The following C7 variants were observed in gnomAD, a reference collection of about 807,000 sequenced individuals.
The protein encoded by C7 is complement C7.
In C7, 83 loss-of-function variants were observed where a neutral mutation model predicts 104.8. The ratio of observed to expected loss-of-function variants is 0.79; its 90% confidence interval spans 0.66 to 0.95. The LOEUF is 0.95. C7 is among the 40% of genes least tolerant of loss of function. The pLI is 0.00. For synonymous variants in C7, 415 were observed against 360.6 expected (o/e 1.15, Z -1.71); for missense variants, 1,070 against 1,011.2 (o/e 1.06, Z -0.79).
At chr5:40,922,849 G>A (rs1433304874) in intron 1 of C7, among the ~76,000 whole-genome samples, 1 of 152,096 alleles carries the variant, frequency 6.6e-6, no homozygotes, top group Non-Finnish European at 1.5e-5. Context: ...AGACTTAAAT[G>A]TAAAATGTGA....
In C7 at chr5:40,919,764, A is replaced by G. The variant is rs536434269; in HGVS notation, c.7-8816A>G. Among the ~76,000 whole-genome samples the G allele has an allele frequency of 2.6e-5, 4 of 152,110 alleles. No individual in the cohort carries two copies. The South Asian group carries it at 8.4e-4, about 32-fold the overall frequency. ...GGGAAATTAAAAATCTTTAGATAAC[A>G]AGATAAAAATCTTGTTATCTTAAGA... is the stretch of plus-strand genomic sequence containing the variant. On this transcript the variant is annotated intron_variant, in intron 1 of 17. Transcript: ENST00000313164.
chr5:40,981,714 TA>T lies in C7; in HGVS notation c.*144del, dbSNP rs1195008981. ...CCTCCTCAACTCCCAGCCATCTGTATAAACACAATCCTTTGTTCTCCCAAAT... is the reference window on the plus strand; with the variant it reads ...CCTCCTCAACTCCCAGCCATCTGTATAACACAATCCTTTGTTCTCCCAAAT... On this transcript the variant is annotated 3_prime_UTR_variant, in exon 18 of 18. Transcript: ENST00000313164. 1 of 644,248 alleles carries T rather than the reference TA, an allele frequency of 1.6e-6. No homozygotes were observed. Among genetic ancestry groups the T allele is most frequent in the Non-Finnish European group, 2.6e-6 (1 of 384,638 alleles). 39.9% of individuals were successfully genotyped at this position (644,248 alleles called of 1,614,324 possible).
Position 40,983,979 on chromosome 5 carries a change from A to G in C7, c.*2406A>G, listed in dbSNP as rs1221636693. Among the ~76,000 whole-genome samples the G allele has an allele frequency of 1.3e-5, 2 of 152,276 alleles. No individual in the cohort carries two copies. Among genetic ancestry groups the G allele is most frequent in the African/African-American group, 2.4e-5 (1 of 41,558 alleles). ...CAAAGAGAAGGAAATTGGCTGGTGC[A>G]TTAATCATCACTAGCTTCAGGGAGC... On this transcript the variant is annotated 3_prime_UTR_variant, in exon 18 of 18. Coordinates refer to ENST00000313164, the MANE Select transcript of C7 (RefSeq NM_000587.4).
intron 12 of C7, among the ~76,000 whole-genome samples, chr5:40,960,787 C>T (rs1210422562): frequency 2.0e-5 from 3 of 152,176 alleles, no homozygotes. Flanking sequence ...GTACTGCTTT[C>T]TCTCAGATTT....
At chr5:40,945,595 A>G (rs1444046840) in intron 7 of C7, among the ~76,000 whole-genome samples, 6 of 152,086 alleles carry the variant, frequency 3.9e-5, no homozygotes, top group African/African-American at 1.4e-4. Flanking sequence ...ACAGTGGTTC[A>G]CGCCTATAAT....
At chr5:40,921,338 C>T (rs769111873) in intron 1 of C7, among the ~76,000 whole-genome samples, 10 of 152,026 alleles carry the variant, frequency 6.6e-5, no homozygotes, top group Non-Finnish European at 1.3e-4. Flanking sequence ...ATATCCCATG[C>T]TCATGGATTG....
intron 17 of C7, chr5:40,980,418 A>G (rs1383581517): frequency 1.3e-5 from 2 of 152,372 alleles, no homozygotes; most frequent in Non-Finnish European, 2.9e-5. Flanking sequence ...GAGGGGTGTT[A>G]AAAACATACT....
intron 7 of C7, among the ~76,000 whole-genome samples, chr5:40,946,496 G>T (rs1012507345): frequency 2.7e-4 from 41 of 152,240 alleles, no homozygotes; most frequent in Admixed American, 1.0e-3. Flanking sequence ...ACATTATATT[G>T]TTCACAAAGT....
Position 40,979,774 on chromosome 5 carries a change from C to G in C7, c.2215C>G (p.Pro739Ala), listed in dbSNP as rs557359883. 15 of 1,613,476 alleles carry G rather than the reference C, an allele frequency of 9.3e-6. No homozygotes were observed. The South Asian group carries it at 1.5e-4, about 17-fold the overall frequency. Residue 739 changes from proline (P) to alanine (A), a missense_variant, in exon 17 of 18, where the codon CCT (proline) becomes GCT (alanine). By Grantham distance (27) the Pro-to-Ala change is conservative. Coordinates refer to ENST00000313164, the MANE Select transcript of C7 (RefSeq NM_000587.4). The stretch of plus-strand genomic sequence containing the variant: ...AGATGAGAGAAGCAAAAGGATACTG[C>G]CTCTGACAGTTTGCAAGATGCATGT... ...AQDERSKRIL[P>A]LTVCKMHVLH...
chr5:40,976,532 T>G (rs2111722239), intron 15 of C7: 1 of 345,380 alleles, frequency 2.9e-6, no homozygotes, highest in South Asian at 9.3e-5. Flanking sequence ...CACGAGATGG[T>G]AGCTATTACT....
At chr5:40,943,084 G>A (rs1041276724) in intron 6 of C7, among the ~76,000 whole-genome samples, 3 of 152,168 alleles carry the variant, frequency 2.0e-5, no homozygotes, top group South Asian at 4.1e-4. Flanking sequence ...GCCCTGGCTG[G>A]GTTTTTGCCA....
chr5:40,971,911 A>G, intron 14 of C7: 1 of 370,608 alleles, frequency 2.7e-6, no homozygotes, highest in South Asian at 2.2e-5. Context: ...TAGACCTATG[A>G]ATAATCACTG....
intron 1 of C7, among the ~76,000 whole-genome samples, chr5:40,917,757 A>G (rs1050721209): frequency 2.0e-5 from 3 of 152,186 alleles, no homozygotes; most frequent in Non-Finnish European, 4.4e-5. Flanking sequence ...AGCCTTCTCC[A>G]TGGTTCTTTC....
At chr5:40,930,364 C>T (rs1012143546) in intron 2 of C7, among the ~76,000 whole-genome samples, 4 of 151,762 alleles carry the variant, frequency 2.6e-5, no homozygotes, top group Non-Finnish European at 5.9e-5. Flanking sequence ...CACCACCACG[C>T]CTGGCTAATT....
chr5:40,933,774 C>T (rs1254262245), intron 3 of C7, among the ~76,000 whole-genome samples: 2 of 152,290 alleles, frequency 1.3e-5, no homozygotes, highest in East Asian at 1.9e-4. Flanking sequence ...TTCATCTTAA[C>T]CCCTTTCCCA....
chr5:40,960,614 T>C (rs1159917791), intron 12 of C7, among the ~76,000 whole-genome samples: 3 of 152,104 alleles, frequency 2.0e-5, no homozygotes, highest in Admixed American at 6.5e-5. Flanking sequence ...AGGTACATCC[T>C]AAGAAAGTCA....
intron 4 of C7, among the ~76,000 whole-genome samples, chr5:40,935,082 T>C (rs867099108): frequency 1.1e-4 from 16 of 152,220 alleles, no homozygotes; most frequent in African/African-American, 3.6e-4. Flanking sequence ...GGCAGAATAG[T>C]ACATAAATAA....
chr5:40,921,266 T>G (rs981697967), intron 1 of C7, among the ~76,000 whole-genome samples: 3 of 151,948 alleles, frequency 2.0e-5, no homozygotes, highest in African/African-American at 7.2e-5. Flanking sequence ...AAGTTAAAGA[T>G]TCTACAAAAA....
chr5:40,981,768 T>C lies in C7; in HGVS notation c.*195T>C. ...GAATCGAATTACTCTTTTGCCTCCT[T>C]TTTAATGTCAGTAAGGATATGAGCC... On this transcript the variant is annotated 3_prime_UTR_variant, in exon 18 of 18. Coordinates refer to ENST00000313164, the MANE Select transcript of C7 (RefSeq NM_000587.4). 2.0e-6 allele frequency: 1 copy of C among 507,854 alleles called. No individual in the cohort carries two copies. The allele number at this position is 507,854 out of a possible 1,614,324, so 31.5% of individuals were successfully genotyped here.
Sources: gnomAD v4.1 joint callset for allele counts (sites outside exome capture counted in the v4.1 genomes callset) on GRCh38, gnomAD v4.1.1 for gene constraint, MANE v1.5 for transcripts, NCBI Gene and HGNC (gene_info 2026-07-23, HGNC 2026-07-21) for gene names.